Variants in SNTG1 observed in about 807,000 individuals in gnomAD.
SNTG1 encodes syntrophin gamma 1, also known as gamma-1-syntrophin.
Under a neutral mutation model 74.7 loss-of-function variants are expected in SNTG1, and 39 were observed. The observed-to-expected ratio is 0.52, with a 90% CI of 0.40 to 0.68. SNTG1 has a LOEUF of 0.68. Among genes scored for constraint, SNTG1 ranks in the 30% least tolerant of loss-of-function variants. The pLI is 0.00. For synonymous variants in SNTG1, 254 were observed against 217.1 expected, an observed-to-expected ratio of 1.17 and a Z score of -1.49; for missense variants, 685 against 609.5, an observed-to-expected ratio of 1.12 and a Z score of -1.30.
intron 1 of SNTG1, among the ~76,000 whole-genome samples, chr8:50,078,037 G>GGGACTT (rs1257006834): frequency 3.3e-5 from 5 of 152,014 alleles, no homozygotes; most frequent in African/African-American, 1.2e-4. Context: ...ATCCAATTAA[G>GGGACTT]GGACTTTCCC....
At chr8:50,375,723 C>T (rs2092364719) in intron 2 of SNTG1, among the ~76,000 whole-genome samples, 3 of 151,892 alleles carry the variant, frequency 2.0e-5, no homozygotes, top group Admixed American at 6.6e-5. Context: ...AAATAGTAAC[C>T]CTATAGGTCC....
chr8:50,337,670 G>T (rs1277805657), intron 2 of SNTG1, among the ~76,000 whole-genome samples: 10 of 152,176 alleles, frequency 6.6e-5, no homozygotes, highest in Non-Finnish European at 1.5e-4. Context: ...AAGCTGAGAT[G>T]TATTTGTTAG....
intron 2 of SNTG1, among the ~76,000 whole-genome samples, chr8:50,237,369 T>C (rs912088011): frequency 6.6e-6 from 1 of 152,210 alleles, no homozygotes; most frequent in Admixed American, 6.5e-5. Flanking sequence ...GTCATGTACA[T>C]CTATCAGATG....
chr8:50,044,628 G>A (rs1818923181), intron 1 of SNTG1, among the ~76,000 whole-genome samples: 2 of 152,102 alleles, frequency 1.3e-5, no homozygotes, highest in South Asian at 4.1e-4. Context: ...AAATAATCTG[G>A]AATAAACTCT....
At chr8:50,687,840 C>T (rs371126407) in intron 15 of SNTG1, among the ~76,000 whole-genome samples, 53 of 152,154 alleles carry the variant, frequency 3.5e-4, no homozygotes, top group South Asian at 3.1e-3. Context: ...TTTGTCCTTG[C>T]GATATTTTGC....
chr8:50,675,860 C>A (rs74898690), intron 15 of SNTG1, among the ~76,000 whole-genome samples: 1 of 152,062 alleles, frequency 6.6e-6, no homozygotes, highest in East Asian at 1.9e-4. Flanking sequence ...CTGGTGGTAA[C>A]GAAATCTCTC....
intron 12 of SNTG1, among the ~76,000 whole-genome samples, chr8:50,588,286 G>T (rs1563616774): frequency 6.6e-6 from 1 of 152,108 alleles, no homozygotes; most frequent in Non-Finnish European, 1.5e-5. Context: ...ATGTGGGTGT[G>T]TGTACAGATT....
At chr8:50,051,069 C>T (rs971216857) in intron 1 of SNTG1, among the ~76,000 whole-genome samples, 2 of 151,896 alleles carry the variant, frequency 1.3e-5, no homozygotes, top group Non-Finnish European at 2.9e-5. Flanking sequence ...ATACTTTCCC[C>T]CTAAGACTGG....
At chr8:49,950,672 A>G (rs1241475383) in intron 1 of SNTG1, among the ~76,000 whole-genome samples, 1 of 152,132 alleles carries the variant, frequency 6.6e-6, no homozygotes, top group Non-Finnish European at 1.5e-5. Flanking sequence ...TCAGTGGACT[A>G]AGAAATAAAA....
chr8:50,525,858 T>A (rs996824890), intron 9 of SNTG1, among the ~76,000 whole-genome samples: 2 of 152,098 alleles, frequency 1.3e-5, no homozygotes, highest in Non-Finnish European at 2.9e-5. Flanking sequence ...TCCACTTGGT[T>A]TTCGGTGGTT....
intron 12 of SNTG1, among the ~76,000 whole-genome samples, chr8:50,553,388 A>G (rs1004254433): frequency 6.6e-6 from 1 of 152,218 alleles, no homozygotes; most frequent in African/African-American, 2.4e-5. Flanking sequence ...ATTAACAAGC[A>G]TTATAAACCC....
At chr8:50,229,685 G>A (rs1235015629) in intron 2 of SNTG1, among the ~76,000 whole-genome samples, 1 of 151,090 alleles carries the variant, frequency 6.6e-6, no homozygotes, top group African/African-American at 2.4e-5. Context: ...TGATTAAGCA[G>A]GCAAAAATTT....
chr8:49,980,364 G>A (rs1486689163), intron 1 of SNTG1, among the ~76,000 whole-genome samples: 1 of 151,810 alleles, frequency 6.6e-6, no homozygotes, highest in African/African-American at 2.4e-5. Context: ...TTCAGCTGTA[G>A]CAGACGGAGC....
chr8:50,637,509 G>A (rs1305479972), intron 13 of SNTG1, among the ~76,000 whole-genome samples: 1 of 151,972 alleles, frequency 6.6e-6, no homozygotes, highest in East Asian at 1.9e-4. Context: ...CTTACCCAAG[G>A]TCATAAGGCA....
At chr8:50,029,101 GA>G (rs958019195) in intron 1 of SNTG1, among the ~76,000 whole-genome samples, 16 of 149,014 alleles carry the variant, frequency 1.1e-4, no homozygotes, top group African/African-American at 2.5e-4. Context: ...AAGATTTATT[GA>G]AAAAAAAAGA....
At chr8:50,162,259 C>T (rs1237098322) in intron 1 of SNTG1, among the ~76,000 whole-genome samples, 1 of 152,066 alleles carries the variant, frequency 6.6e-6, no homozygotes, top group African/African-American at 2.4e-5. Context: ...ACCCTGCGGC[C>T]TGCTGGCTAT....
In SNTG1 at chr8:50,717,537, C is replaced by T. The variant is rs187286012; in HGVS notation, c.1284+8559C>T. On this transcript the variant is annotated intron_variant, in intron 17 of 18. Coordinates refer to ENST00000642720, the MANE Select transcript of SNTG1 (RefSeq NM_018967.5). ...ATTCTGAAACATCTGAGCATTATTT[C>T]CAGCTAGCCCATATTTCAATAGATC... Among the ~76,000 whole-genome samples the T allele has an allele frequency of 2.6e-5, 4 of 152,274 alleles. No individual in the cohort carries two copies. The East Asian group carries it at 7.7e-4, about 29-fold the overall frequency.
chr8:50,638,542 GGCT>G (rs2095053163), intron 13 of SNTG1, among the ~76,000 whole-genome samples: 2 of 152,072 alleles, frequency 1.3e-5, no homozygotes. Context: ...CAGTGAAGAA[GGCT>G]GAGCAGGAGA....
intron 11 of SNTG1, among the ~76,000 whole-genome samples, chr8:50,548,994 C>T (rs1206935050): frequency 6.6e-6 from 1 of 152,032 alleles, no homozygotes. Flanking sequence ...TTGCAAGGAC[C>T]TCAGAGATAT....
Sources: allele counts gnomAD v4.1 joint callset (sites outside exome capture counted in the v4.1 genomes callset), GRCh38; gene constraint gnomAD v4.1.1; transcripts MANE v1.5; gene names NCBI Gene and HGNC (gene_info 2026-07-23, HGNC 2026-07-21).